ROBO1: variants seen among roughly 807,000 people sequenced by gnomAD.
ROBO1 encodes the protein roundabout homolog 1.
In ROBO1, 149 loss-of-function variants were observed where a neutral mutation model predicts 195.9. The observed-to-expected ratio is 0.76, with a 90% confidence interval of 0.67 to 0.87. ROBO1 has a LOEUF of 0.87. Among genes scored for constraint, ROBO1 ranks in the 40% least tolerant of loss-of-function variants. The pLI is 0.00. For synonymous variants in ROBO1, 816 were observed against 733.2 expected (o/e 1.11, Z -1.82); for missense variants, 1,933 against 2,068.3 (o/e 0.93, Z 1.27).
chr3:79,583,010 C>T (rs1199003675), intron 2 of ROBO1, among the ~76,000 whole-genome samples: 1 of 151,914 alleles, frequency 6.6e-6, no homozygotes, highest in Non-Finnish European at 1.5e-5. Flanking sequence ...TGAAGTCTTT[C>T]ATGCCCTCCT....
intron 1 of ROBO1, among the ~76,000 whole-genome samples, chr3:79,767,420 A>G (rs1250909083): frequency 6.6e-6 from 1 of 152,142 alleles, no homozygotes; most frequent in African/African-American, 2.4e-5. Context: ...ACACACAACA[A>G]ACAAATTCCA....
intron 1 of ROBO1, among the ~76,000 whole-genome samples, chr3:79,727,124 A>G (rs1414131451): frequency 2.0e-5 from 3 of 152,206 alleles, no homozygotes; most frequent in African/African-American, 7.2e-5. Context: ...ACCAGCAAGG[A>G]TGGGAAGAAC....
At chr3:78,963,581 C>G (rs571941589) in intron 3 of ROBO1, among the ~76,000 whole-genome samples, 27 of 126,776 alleles carry the variant, frequency 2.1e-4, no homozygotes, top group Non-Finnish European at 2.7e-4. Context: ...TGCAGTGGCG[C>G]GATCTCGGCT....
chr3:78,739,184 G>A (rs986213154), intron 5 of ROBO1, among the ~76,000 whole-genome samples: 10 of 152,092 alleles, frequency 6.6e-5, no homozygotes, highest in African/African-American at 2.2e-4. Context: ...ATAAATGATC[G>A]ACAAAGGTTA....
intron 1 of ROBO1, among the ~76,000 whole-genome samples, chr3:79,718,899 A>G (rs1702592591): frequency 6.6e-6 from 1 of 152,106 alleles, no homozygotes; most frequent in Non-Finnish European, 1.5e-5. Flanking sequence ...AAGATTCTGT[A>G]ACCTGGATAT....
At chr3:79,186,870 C>T (rs1371372843) in intron 2 of ROBO1, among the ~76,000 whole-genome samples, 1 of 152,060 alleles carries the variant, frequency 6.6e-6, no homozygotes, top group East Asian at 1.9e-4. Context: ...TTGAGATTTC[C>T]TCGGACTGAC....
chr3:78,907,840 G>A (rs2038014742), intron 4 of ROBO1, among the ~76,000 whole-genome samples: 1 of 151,652 alleles, frequency 6.6e-6, no homozygotes, highest in South Asian at 2.1e-4. Flanking sequence ...GAAAAGAGAA[G>A]AAAATCTATT....
At chr3:79,621,882 A>G (rs769223626) in intron 1 of ROBO1, among the ~76,000 whole-genome samples, 4 of 152,230 alleles carry the variant, frequency 2.6e-5, no homozygotes, top group Non-Finnish European at 5.9e-5. Flanking sequence ...ACGTAACAAC[A>G]TAATGACTGT....
At chr3:79,766,049 G>A (rs190357573) in intron 1 of ROBO1, among the ~76,000 whole-genome samples, 19 of 152,098 alleles carry the variant, frequency 1.2e-4, no homozygotes, top group Admixed American at 6.5e-4. Context: ...TGAGGTCAGG[G>A]TTAAACTACC....
intron 3 of ROBO1, among the ~76,000 whole-genome samples, chr3:78,948,477 A>C (rs1398435749): frequency 2.0e-5 from 3 of 152,208 alleles, no homozygotes; most frequent in African/African-American, 7.2e-5. Flanking sequence ...CTTCATGCTA[A>C]AAGCTCTCAA....
intron 2 of ROBO1, among the ~76,000 whole-genome samples, chr3:79,427,431 G>C (rs1163157522): frequency 2.0e-5 from 3 of 152,162 alleles, no homozygotes; most frequent in Non-Finnish European, 4.4e-5. Flanking sequence ...GCAGGAGAAC[G>C]TTGTGTTTAG....
chr3:79,049,469 G>A (rs111907696), intron 3 of ROBO1, among the ~76,000 whole-genome samples: 8 of 152,122 alleles, frequency 5.3e-5, no homozygotes, highest in Middle Eastern at 3.4e-3. Flanking sequence ...GTTAGAAAAC[G>A]CTCCTCAGAA....
chr3:79,436,961 C>G (rs1490318569), intron 2 of ROBO1, among the ~76,000 whole-genome samples: 3 of 152,022 alleles, frequency 2.0e-5, no homozygotes, highest in African/African-American at 7.2e-5. Flanking sequence ...ATTTCCTGAT[C>G]AGGCAAATCT....
At chr3:79,664,319 T>C (rs953318939) in intron 1 of ROBO1, among the ~76,000 whole-genome samples, 1 of 152,040 alleles carries the variant, frequency 6.6e-6, no homozygotes, top group African/African-American at 2.4e-5. Flanking sequence ...TTTATTTCGA[T>C]AAGTCTGATG....
intron 1 of ROBO1, among the ~76,000 whole-genome samples, chr3:79,623,125 A>C (rs998416128): frequency 3.4e-5 from 5 of 147,094 alleles, no homozygotes; most frequent in African/African-American, 1.3e-4. Flanking sequence ...AGAAAGCAGT[A>C]ACAATGGCAT....
At chr3:78,667,516 A>G (rs1388674426) in intron 14 of ROBO1, among the ~76,000 whole-genome samples, 1 of 151,050 alleles carries the variant, frequency 6.6e-6, no homozygotes, top group Non-Finnish European at 1.5e-5. Flanking sequence ...AGATCTAACT[A>G]TTCTTTTTTT....
At chr3:79,021,703 C>A (rs2078106317) in intron 3 of ROBO1, among the ~76,000 whole-genome samples, 1 of 140,102 alleles carries the variant, frequency 7.1e-6, no homozygotes, top group South Asian at 2.2e-4. Context: ...CTTTGTCGCC[C>A]AGGCTGGAGT....
At chr3:79,006,894 T>G (rs1330974611) in intron 3 of ROBO1, among the ~76,000 whole-genome samples, 1 of 152,146 alleles carries the variant, frequency 6.6e-6, no homozygotes, top group African/African-American at 2.4e-5. Flanking sequence ...TTAAATCTCC[T>G]GATCCAGAAA....
chr3:79,484,346 A>G (rs971493198), intron 2 of ROBO1, among the ~76,000 whole-genome samples: 2 of 152,278 alleles, frequency 1.3e-5, no homozygotes, highest in Admixed American at 1.3e-4. Context: ...GGAAAAATTC[A>G]TATCTTTTGA....
Sources: allele counts gnomAD v4.1 joint callset (sites outside exome capture counted in the v4.1 genomes callset), GRCh38; gene constraint gnomAD v4.1.1; transcripts MANE v1.5; gene names NCBI Gene and HGNC (gene_info 2026-07-23, HGNC 2026-07-21).